CIMAP1D: variants seen among roughly 807,000 people sequenced by gnomAD.
The protein encoded by CIMAP1D is protein CIMAP1D.
chr19:481,275 AAAGTATGATGGG>A, the CIMAP1D span, among the ~76,000 whole-genome samples: 342 of 128,634 alleles, frequency 2.7e-3, no homozygotes, highest in Middle Eastern at 5.3e-3. Flanking sequence ...AGATGATGGG[AAAGTATGATGGG>A]AAGGATGATG....
At chr19:468,978 G>T in the CIMAP1D span, among the ~76,000 whole-genome samples, 27 of 151,664 alleles carry the variant, frequency 1.8e-4, no homozygotes, top group African/African-American at 5.8e-4. Context: ...CTCCCCTGAG[G>T]AGTCCGTGGC....
the CIMAP1D span, among the ~76,000 whole-genome samples, chr19:468,211 TAA>T: frequency 1.3e-5 from 2 of 151,974 alleles, no homozygotes; most frequent in South Asian, 2.1e-4. Context: ...ACTAAAAATT[TAA>T]AACTTAGCCA....
the CIMAP1D span, among the ~76,000 whole-genome samples, chr19:472,966 C>A: frequency 8.1e-6 from 1 of 123,096 alleles, no homozygotes; most frequent in Non-Finnish European, 1.8e-5. Flanking sequence ...AGACTGAGGC[C>A]CAGGCAGAGA....
At chr19:490,026 A>T in the CIMAP1D span, 13 of 398,632 alleles carry the variant, frequency 3.3e-5, 2 homozygotes, top group South Asian at 1.4e-3. Flanking sequence ...AAAGAAGAAA[A>T]GAAATGGGTG....
the CIMAP1D span, among the ~76,000 whole-genome samples, chr19:486,809 G>A: frequency 6.6e-6 from 1 of 152,014 alleles, no homozygotes; most frequent in Non-Finnish European, 1.5e-5. Context: ...AGCTACACAG[G>A]AGGCTGAGGC....
At chr19:486,208 T>G in the CIMAP1D span, among the ~76,000 whole-genome samples, 1 of 152,144 alleles carries the variant, frequency 6.6e-6, no homozygotes. Context: ...TCCGAGGATT[T>G]GGGGGGCTGG....
chr19:472,734 G>A, the CIMAP1D span: 3 of 511,266 alleles, frequency 5.9e-6, no homozygotes, highest in Non-Finnish European at 1.0e-5. Context: ...TCACCCTGGG[G>A]CACAGACAGG....
At chr19:467,625 C>T in the CIMAP1D span, 313 of 1,486,598 alleles carry the variant, frequency 2.1e-4, 1 homozygote, top group Middle Eastern at 5.2e-4. Flanking sequence ...GGTCCTTGTG[C>T]GGCTGCTTGG....
chr19:484,250 G>A, the CIMAP1D span, among the ~76,000 whole-genome samples: 1 of 148,280 alleles, frequency 6.7e-6, no homozygotes, highest in South Asian at 2.1e-4. Context: ...AAGCGATTCT[G>A]CTGCCTCAGC....
chr19:477,191 G>C, the CIMAP1D span, among the ~76,000 whole-genome samples: 1 of 152,198 alleles, frequency 6.6e-6, no homozygotes, highest in Non-Finnish European at 1.5e-5. Context: ...CTAGGCCTAA[G>C]TTTCCACCTA....
the CIMAP1D span, among the ~76,000 whole-genome samples, chr19:477,863 T>C: frequency 1.3e-5 from 2 of 152,152 alleles, no homozygotes; most frequent in African/African-American, 4.8e-5. Flanking sequence ...CCTCCCCCTG[T>C]CCTCTCGTCC....
chr19:467,539 T>C, the CIMAP1D span: 1 of 799,810 alleles, frequency 1.3e-6, no homozygotes, highest in South Asian at 1.4e-5. Flanking sequence ...CTCCAAAGAC[T>C]CTGCATTCTA....
chr19:483,218 A>G, the CIMAP1D span, among the ~76,000 whole-genome samples: 1 of 141,144 alleles, frequency 7.1e-6, no homozygotes. Flanking sequence ...GCTGCTCTCC[A>G]CCTCACAGCC....
the CIMAP1D span, among the ~76,000 whole-genome samples, chr19:484,852 C>A: frequency 6.6e-6 from 1 of 152,096 alleles, no homozygotes; most frequent in Admixed American, 6.5e-5. Flanking sequence ...GTGGGAGCCA[C>A]GGAGGCCTCT....
the CIMAP1D span, among the ~76,000 whole-genome samples, chr19:487,878 T>C: frequency 7.9e-5 from 12 of 152,166 alleles, no homozygotes; most frequent in Non-Finnish European, 1.5e-4. Context: ...CTGGGCCTGG[T>C]AGTTAAAGAG....
At chr19:469,108 T>C in the CIMAP1D span, among the ~76,000 whole-genome samples, 1 of 152,160 alleles carries the variant, frequency 6.6e-6, no homozygotes, top group Admixed American at 6.5e-5. Flanking sequence ...CACTGACCCT[T>C]AGCCACAGCC....
chr19:489,795 A>G, the CIMAP1D span: 1 of 371,144 alleles, frequency 2.7e-6, no homozygotes, highest in Non-Finnish European at 4.8e-6. Context: ...CGCGCTCGGG[A>G]TGTCCAGCAC....
At chr19:466,837 T>G in the CIMAP1D span, among the ~76,000 whole-genome samples, 4 of 2,460 alleles carry the variant, frequency 1.6e-3, no homozygotes, top group African/African-American at 1.6e-3. Flanking sequence ...GATAGATGGA[T>G]GGGTGGGTGG....
At chr19:469,669 C>T in the CIMAP1D span, among the ~76,000 whole-genome samples, 1 of 151,844 alleles carries the variant, frequency 6.6e-6, no homozygotes, top group Non-Finnish European at 1.5e-5. Context: ...CCAGCCTGGG[C>T]GATAGTGTGA....
Sources: allele counts gnomAD v4.1 joint callset (sites outside exome capture counted in the v4.1 genomes callset), GRCh38; gene constraint gnomAD v4.1.1; transcripts MANE v1.5; gene names NCBI Gene and HGNC (gene_info 2026-07-23, HGNC 2026-07-21).